SMYD3: variants seen among roughly 807,000 people sequenced by gnomAD.
SMYD3 encodes histone-lysine N-methyltransferase SMYD3.
A neutral mutation model predicts 57.7 loss-of-function variants in SMYD3; 36 were observed. The observed-to-expected ratio is 0.62, with a 90% CI of 0.48 to 0.82. The LOEUF is 0.82. Among genes scored for constraint, SMYD3 ranks in the 40% least tolerant of loss-of-function variants. The pLI, the probability that SMYD3 is intolerant of heterozygous loss-of-function variation, is 0.00. For synonymous variants in SMYD3, 211 were observed against 195.0 expected, an observed-to-expected ratio of 1.08 and a Z score of -0.68; for missense variants, 515 against 538.8, an observed-to-expected ratio of 0.96 and a Z score of 0.44.
chr1:246,310,188 A>C (rs895034783), intron 5 of SMYD3, among the ~76,000 whole-genome samples: 1 of 147,592 alleles, frequency 6.8e-6, no homozygotes, highest in Non-Finnish European at 1.5e-5. Flanking sequence ...CCAATGAACA[A>C]GACCTGCTTT....
chr1:245,842,283 G>C (rs2050440676), intron 10 of SMYD3, among the ~76,000 whole-genome samples: 1 of 152,168 alleles, frequency 6.6e-6, no homozygotes, highest in African/African-American at 2.4e-5. Flanking sequence ...AATCGTCATG[G>C]GTAAATGTGC....
rs575833580 is a variant in SMYD3 at position 245,965,144 on chromosome 1, AT to A, written c.532-35208del. 3.3e-5 allele frequency among the ~76,000 whole-genome samples: 5 copies of A among 152,366 alleles called. No homozygotes were observed. In the South Asian group the frequency reaches 1.0e-3, roughly 32 times the overall value. ...AAAAACTTTTGTTTTCTTATTCTTA[AT>A]TGATCAACACACAATATCTTTTTCA... On this transcript the variant is annotated intron_variant, in intron 5 of 11. Transcript: ENST00000490107.
At chr1:246,326,596 A>C (rs2065355920) in intron 5 of SMYD3, among the ~76,000 whole-genome samples, 1 of 93,830 alleles carries the variant, frequency 1.1e-5, no homozygotes, top group Non-Finnish European at 2.5e-5. Context: ...CTACAAAAAC[A>C]AAAAAAAAAA....
intron 5 of SMYD3, among the ~76,000 whole-genome samples, chr1:245,939,531 G>T (rs939157291): frequency 6.6e-6 from 1 of 152,146 alleles, no homozygotes; most frequent in Non-Finnish European, 1.5e-5. Context: ...GGAGACTGAG[G>T]CAGGGGAATC....
intron 11 of SMYD3, among the ~76,000 whole-genome samples, chr1:245,752,741 G>T (rs1040478381): frequency 6.6e-6 from 1 of 152,194 alleles, no homozygotes; most frequent in Non-Finnish European, 1.5e-5. Flanking sequence ...AGCCAGGAAG[G>T]GGGAGTTTCC....
chr1:246,227,956 CTTTTTTTTTTTTT>C (rs202246263), intron 5 of SMYD3, among the ~76,000 whole-genome samples: 4 of 115,576 alleles, frequency 3.5e-5, no homozygotes, highest in Admixed American at 1.8e-4. Flanking sequence ...ATTTTTATTC[CTTTTTTTTTTTTT>C]TTTTTTTTTG....
intron 1 of SMYD3, among the ~76,000 whole-genome samples, chr1:246,453,943 G>A (rs1572514589): frequency 6.6e-6 from 1 of 152,282 alleles, no homozygotes; most frequent in Non-Finnish European, 1.5e-5. Context: ...GGATCTGATG[G>A]AACAAGTGGA....
intron 5 of SMYD3, among the ~76,000 whole-genome samples, chr1:246,100,965 C>A (rs1227234505): frequency 6.6e-6 from 1 of 151,028 alleles, no homozygotes; most frequent in Non-Finnish European, 1.5e-5. Context: ...TAGGTCACTG[C>A]AGCAAAGAAA....
intron 5 of SMYD3, among the ~76,000 whole-genome samples, chr1:246,183,232 C>A (rs2062581932): frequency 6.6e-6 from 1 of 152,048 alleles, no homozygotes; most frequent in Admixed American, 6.6e-5. Flanking sequence ...GTAAACGAGG[C>A]AGTTTTCCAG....
chr1:245,771,027 G>T (rs749231117), intron 10 of SMYD3, among the ~76,000 whole-genome samples: 3 of 151,256 alleles, frequency 2.0e-5, no homozygotes, highest in Non-Finnish European at 4.4e-5. Flanking sequence ...GGAGAGAATG[G>T]GGCAGAAGCT....
chr1:246,002,203 T>TTTG lies in SMYD3; in HGVS notation c.532-72267_532-72266insCAA, dbSNP rs1172183946. 6.5e-4 allele frequency among the ~76,000 whole-genome samples: 98 copies of TTTG among 151,838 alleles called. No individual in the cohort carries two copies. In the Middle Eastern group the frequency reaches 0.01, roughly 16 times the overall value. Reference sequence around the variant, plus strand: ...CCTCCTTTTTATTTTATTATTTTTTTAAATGGAGTCTCGCTCCGTCACCCA... The same window carrying TTTG: ...CCTCCTTTTTATTTTATTATTTTTTTTTGAAATGGAGTCTCGCTCCGTCACCCA... On this transcript the variant is annotated intron_variant, in intron 5 of 11. Transcript: ENST00000490107.
At chr1:246,423,819 A>G (rs1572488074) in intron 1 of SMYD3, among the ~76,000 whole-genome samples, 1 of 152,218 alleles carries the variant, frequency 6.6e-6, no homozygotes, top group Non-Finnish European at 1.5e-5. Flanking sequence ...AAGTTTCAGA[A>G]CAAGTAGAAT....
intron 1 of SMYD3, among the ~76,000 whole-genome samples, chr1:246,440,196 C>CA (rs1385179528): frequency 6.6e-6 from 1 of 152,026 alleles, no homozygotes; most frequent in African/African-American, 2.4e-5. Context: ...CCAATATACA[C>CA]AAAAAATATA....
At chr1:246,466,948 A>G (rs1027910803) in intron 1 of SMYD3, among the ~76,000 whole-genome samples, 21 of 152,328 alleles carry the variant, frequency 1.4e-4, no homozygotes, top group African/African-American at 5.1e-4. Context: ...CAGGTGGATC[A>G]CTTGAGGTCA....
intron 5 of SMYD3, among the ~76,000 whole-genome samples, chr1:245,969,376 T>C (rs2058237902): frequency 6.6e-6 from 1 of 152,234 alleles, no homozygotes; most frequent in African/African-American, 2.4e-5. Flanking sequence ...CCACAGGCCT[T>C]TGAGGCCTTA....
chr1:246,169,277 T>C (rs988785793), intron 5 of SMYD3, among the ~76,000 whole-genome samples: 1 of 146,086 alleles, frequency 6.8e-6, no homozygotes, highest in Admixed American at 7.2e-5. Flanking sequence ...ATGGAAGAGG[T>C]AGTCAGAAAT....
intron 10 of SMYD3, among the ~76,000 whole-genome samples, chr1:245,800,774 T>C (rs1287940100): frequency 2.6e-5 from 4 of 152,206 alleles, no homozygotes; most frequent in Non-Finnish European, 5.9e-5. Context: ...ATGAGAGACA[T>C]CTGTCACAGG....
At chr1:246,446,855 C>T (rs1290480008) in intron 1 of SMYD3, among the ~76,000 whole-genome samples, 1 of 152,056 alleles carries the variant, frequency 6.6e-6, no homozygotes, top group South Asian at 2.1e-4. Context: ...TGATGAAACC[C>T]CGTCTCTACT....
intron 10 of SMYD3, among the ~76,000 whole-genome samples, chr1:245,818,353 T>C (rs972878292): frequency 6.6e-6 from 1 of 151,960 alleles, no homozygotes; most frequent in Non-Finnish European, 1.5e-5. Context: ...CTGAGAGATT[T>C]TGTCACCACC....
Sources: gnomAD v4.1 joint callset for allele counts (sites outside exome capture counted in the v4.1 genomes callset) on GRCh38, gnomAD v4.1.1 for gene constraint, MANE v1.5 for transcripts, NCBI Gene and HGNC (gene_info 2026-07-23, HGNC 2026-07-21) for gene names.